TNRC6B: variants seen among roughly 807,000 people sequenced by gnomAD.
TNRC6B encodes trinucleotide repeat-containing gene 6B protein.
A neutral mutation model predicts 203.6 loss-of-function variants in TNRC6B; 52 were observed. That is an observed-to-expected ratio of 0.26 (90% CI 0.20 to 0.32). TNRC6B has a LOEUF of 0.32. Ranked by LOEUF, TNRC6B falls within the 10% of genes least tolerant of loss-of-function variation. TNRC6B has a pLI of 1.00. For synonymous variants in TNRC6B, 838 were observed against 845.7 expected (o/e 0.99, Z 0.16); for missense variants, 1,923 against 2,286.2 (o/e 0.84, Z 3.24).
chr22:40,093,937 A>C (rs951917038), intron 1 of TNRC6B, among the ~76,000 whole-genome samples: 1 of 150,876 alleles, frequency 6.6e-6, no homozygotes, highest in South Asian at 2.1e-4. Flanking sequence ...GTATATTTCA[A>C]AATAACTGGA....
chr22:40,065,368 A>T (rs1202133094), intron 1 of TNRC6B, among the ~76,000 whole-genome samples: 1 of 150,800 alleles, frequency 6.6e-6, no homozygotes, highest in Non-Finnish European at 1.5e-5. Flanking sequence ...CTGGTCTTGA[A>T]CTCCTGGCGT....
At chr22:40,318,253 AG>A (rs1163173903) in intron 21 of TNRC6B, among the ~76,000 whole-genome samples, 1 of 152,200 alleles carries the variant, frequency 6.6e-6, no homozygotes, top group East Asian at 1.9e-4. Flanking sequence ...CTCAGCTCAA[AG>A]TTCCAAGTTA....
chr22:40,321,299 T>G, intron 22 of TNRC6B, 70 bp downstream of exon 22: 1 of 1,550,786 alleles, frequency 6.4e-7, no homozygotes, highest in South Asian at 1.1e-5. Context: ...TTCTGGCAGC[T>G]GCTGAATTAA....
At chr22:40,255,254 C>T (rs2146483972) in intron 3 of TNRC6B, among the ~76,000 whole-genome samples, 1 of 152,336 alleles carries the variant, frequency 6.6e-6, no homozygotes, top group East Asian at 1.9e-4. Flanking sequence ...GCTTCTAGCT[C>T]AGTAGAAGTT....
chr22:40,253,326 G>A (rs535779152), intron 3 of TNRC6B, among the ~76,000 whole-genome samples: 12 of 150,398 alleles, frequency 8.0e-5, no homozygotes, highest in East Asian at 2.0e-4. Flanking sequence ...TCCTGACCTC[G>A]TGATCCGCCT....
intron 1 of TNRC6B, among the ~76,000 whole-genome samples, chr22:40,186,052 G>A (rs2069197771): frequency 6.6e-6 from 1 of 152,158 alleles, no homozygotes; most frequent in African/African-American, 2.4e-5. Context: ...TGGAGATAAA[G>A]ACTTGGAAGG....
chr22:40,144,491 T>C (rs927365978), intron 3 of TNRC6B, among the ~76,000 whole-genome samples: 1 of 151,366 alleles, frequency 6.6e-6, no homozygotes, highest in East Asian at 2.0e-4. Context: ...CTGGCTAACA[T>C]GGTGAAACCC....
intron 4 of TNRC6B, among the ~76,000 whole-genome samples, chr22:40,263,969 A>C (rs1045291786): frequency 6.6e-6 from 1 of 152,240 alleles, no homozygotes; most frequent in African/African-American, 2.4e-5. Flanking sequence ...CACTGAGCAA[A>C]ATGGCTCTAG....
At position 40,148,287 on chromosome 22, in the gene TNRC6B, T is replaced by C. The variant is rs528017511; in HGVS notation, c.46-7828T>C. 2.7e-3 allele frequency among the ~76,000 whole-genome samples: 403 copies of C among 149,772 alleles called. 2 individuals carry two copies. Among genetic ancestry groups the C allele is most frequent in the African/African-American group, 8.9e-3 (366 of 40,916 alleles). ...AACCACGTTGGAAAACAGTTTCTTT[T>C]TTTTTTTTTTTTTTTGAGACAGAGT... On this transcript the variant is annotated intron_variant, in intron 3 of 23. Coordinates refer to the TNRC6B transcript ENST00000301923.
intron 1 of TNRC6B, among the ~76,000 whole-genome samples, chr22:40,052,534 G>A (rs931089047): frequency 7.6e-6 from 1 of 131,714 alleles, no homozygotes; most frequent in Non-Finnish European, 1.5e-5. Context: ...ATGGCTCATT[G>A]CAACCTCCAT....
intron 3 of TNRC6B, among the ~76,000 whole-genome samples, chr22:40,140,473 A>G (rs1265033543): frequency 2.0e-5 from 3 of 152,204 alleles, no homozygotes; most frequent in Admixed American, 6.5e-5. Flanking sequence ...CACAAAGTGG[A>G]AGAAACATAT....
chr22:40,132,198 AT>A (rs1322300618), intron 3 of TNRC6B, among the ~76,000 whole-genome samples: 4 of 152,162 alleles, frequency 2.6e-5, no homozygotes, highest in African/African-American at 9.7e-5. Flanking sequence ...AAATACAAAA[AT>A]TAGCTGGGCC....
At chr22:40,142,216 G>A (rs1049234205) in intron 3 of TNRC6B, among the ~76,000 whole-genome samples, 1 of 142,946 alleles carries the variant, frequency 7.0e-6, no homozygotes, top group African/African-American at 2.7e-5. Flanking sequence ...GTGCCACCAC[G>A]CCTAGCTAAT....
upstream of TNRC6B, among the ~76,000 whole-genome samples, chr22:40,173,798 T>TATATATATATATATATATAA (rs1347105048): frequency 2.6e-4 from 16 of 61,106 alleles, no homozygotes; most frequent in Non-Finnish European, 3.5e-4. Context: ...TATATATTTT[T>TATATATATATATATATATAA]TTTTTTTTTT....
intron 1 of TNRC6B, among the ~76,000 whole-genome samples, chr22:40,204,227 T>A (rs2069450243): frequency 1.3e-5 from 2 of 152,234 alleles, no homozygotes; most frequent in Non-Finnish European, 2.9e-5. Context: ...TTCTTTGTTG[T>A]TTAATTATAG....
intron 15 of TNRC6B, among the ~76,000 whole-genome samples, chr22:40,303,089 G>GCC (rs2071046317): frequency 8.1e-6 from 1 of 124,174 alleles, no homozygotes; most frequent in Non-Finnish European, 1.6e-5. Context: ...TCACTCTGTC[G>GCC]CCCAACCTCC....
At chr22:40,303,142 G>C (rs2071047458) in intron 15 of TNRC6B, among the ~76,000 whole-genome samples, 1 of 142,310 alleles carries the variant, frequency 7.0e-6, no homozygotes, top group Non-Finnish European at 1.5e-5. Flanking sequence ...CGATTCTCCT[G>C]CCTCAGCCTC....
At position 40,301,310 on chromosome 22, in the gene TNRC6B, G is replaced by A; in HGVS notation, c.4097G>A (p.Gly1366Glu). 1 of 1,606,466 alleles carries A rather than the reference G, an allele frequency of 6.2e-7. No individual in the cohort carries two copies. Among genetic ancestry groups the A allele is most frequent in the Non-Finnish European group, 8.5e-7 (1 of 1,176,050 alleles). ...GGGCTCCCAGACCTTCAAACCAAAG[G>A]GCCAATACCTGGATATGGTTCTGGT... ...NVGLPDLQTKGPIPGYGSGFS... is the reference protein window; with the variant it reads ...NVGLPDLQTKEPIPGYGSGFS... Residue 1366 changes from glycine to glutamate, a missense_variant, in exon 15 of 23, where the codon GGG becomes GAG. Around this residue, in one of 8 missense-constraint regions of TNRC6B, gnomAD observed 242 missense variants for 399.5 expected, o/e 0.61. Transcript: ENST00000454349.
At chr22:40,155,923 C>T (rs750958097) in intron 3 of TNRC6B, among the ~76,000 whole-genome samples, 4 of 152,064 alleles carry the variant, frequency 2.6e-5, no homozygotes, top group African/African-American at 7.2e-5. Flanking sequence ...TGTGTTTTGC[C>T]GATCAACATG....
Sources: allele counts gnomAD v4.1 joint callset (sites outside exome capture counted in the v4.1 genomes callset), GRCh38; gene constraint gnomAD v4.1.1; regional missense constraint gnomAD v4.1.1; transcripts MANE v1.5; gene names NCBI Gene and HGNC (gene_info 2026-07-23, HGNC 2026-07-21).